Variants in DLG2 observed in about 807,000 individuals in gnomAD.
DLG2 encodes discs large MAGUK scaffold protein 2, also known as disks large homolog 2.
DLG2 carries 45 observed loss-of-function variants against 132.5 expected under a neutral mutation model. The ratio of observed to expected loss-of-function variants is 0.34; its 90% CI spans 0.27 to 0.44. The LOEUF (loss-of-function observed/expected upper bound fraction) is 0.44. DLG2 is among the 20% of genes least tolerant of loss of function. The pLI is 1.00. For missense variants in DLG2, 1,045 were observed against 1,196.9 expected (o/e 0.87, Z 1.87); for synonymous variants, 424 against 419.6 (o/e 1.01, Z -0.13).
chr11:85,572,125 G>T (rs184537093), intron 3 of DLG2, among the ~76,000 whole-genome samples: 116 of 152,234 alleles, frequency 7.6e-4, no homozygotes, highest in African/African-American at 2.7e-3. Flanking sequence ...TGCTGAGAAA[G>T]TTGATTCTGA....
chr11:83,664,614 A>G (rs1012642334), intron 18 of DLG2, among the ~76,000 whole-genome samples: 4 of 152,190 alleles, frequency 2.6e-5, no homozygotes, highest in African/African-American at 7.2e-5. Context: ...GAAAACTCAC[A>G]GTACTAGTCT....
chr11:83,959,284 T>C (rs2154154184), intron 14 of DLG2, among the ~76,000 whole-genome samples: 1 of 152,222 alleles, frequency 6.6e-6, no homozygotes, highest in Admixed American at 6.5e-5. Context: ...ATTCTTACCG[T>C]ACATCCATAA....
chr11:84,925,277 G>A (rs2154086282), intron 6 of DLG2, among the ~76,000 whole-genome samples: 1 of 152,296 alleles, frequency 6.6e-6, no homozygotes, highest in African/African-American at 2.4e-5. Context: ...AGGATTAAAT[G>A]AAACAAGTTA....
chr11:84,216,546 G>A (rs1394448839), intron 8 of DLG2, among the ~76,000 whole-genome samples: 1 of 152,108 alleles, frequency 6.6e-6, no homozygotes, highest in Non-Finnish European at 1.5e-5. Context: ...ATTTGGGTTG[G>A]GATGAGTGAT....
At position 83,980,518 on chromosome 11, in the gene DLG2, A is replaced by G. The variant is rs765550747; in HGVS notation, c.1044T>C (p.Asp348=). The stretch of plus-strand genomic sequence containing the variant: ...GAGTCACACTCACCATTAGTAGTCT[A>G]TCTCCTACTTGCAACCTTCCATCTT... ...AQKDGRLQVG[D]RLLMVNNYSL... Residue 348 remains aspartate (D), a synonymous_variant, in exon 12 of 28, where the codon GAT becomes GAC. Coordinates refer to ENST00000376104, the MANE Select transcript of DLG2 (RefSeq NM_001142699.3). 1.4e-4 allele frequency: 224 copies of G among 1,613,318 alleles called. No homozygotes were observed. Among genetic ancestry groups the G allele is most frequent in the Non-Finnish European group, 1.8e-4 (211 of 1,179,666 alleles).
At chr11:84,453,759 A>G (rs1407522919) in intron 7 of DLG2, among the ~76,000 whole-genome samples, 1 of 151,700 alleles carries the variant, frequency 6.6e-6, no homozygotes, top group Non-Finnish European at 1.5e-5. Context: ...TCAACCAACA[A>G]TGGCACATTC....
chr11:84,375,179 T>C lies in DLG2; in HGVS notation c.520-123888A>G, dbSNP rs181807132. Among the ~76,000 whole-genome samples, 71 of 152,308 alleles carry C rather than the reference T, an allele frequency of 4.7e-4. 1 individual carries two copies. Among genetic ancestry groups the C allele is most frequent in the Admixed American group, 3.9e-3 (60 of 15,292 alleles). On this transcript the variant is annotated intron_variant, in intron 7 of 27. Coordinates refer to ENST00000376104, the MANE Select transcript of DLG2 (RefSeq NM_001142699.3). ...TAACACTTTTCATAGTGGACTGTTA[T>C]TAACTGATTATGTGAATAATTCTCC...
At chr11:85,266,206 C>T (rs1461572793) in intron 4 of DLG2, among the ~76,000 whole-genome samples, 2 of 152,248 alleles carry the variant, frequency 1.3e-5, no homozygotes, top group South Asian at 2.1e-4. Flanking sequence ...ATGGAATTTG[C>T]TCCTGTAAGG....
intron 19 of DLG2, among the ~76,000 whole-genome samples, chr11:83,600,859 T>C (rs1162049029): frequency 3.3e-5 from 5 of 152,230 alleles, no homozygotes; most frequent in Non-Finnish European, 7.3e-5. Context: ...GATGGTGTGA[T>C]AGAGGCTGTT....
chr11:83,589,733 A>T (rs1348983426), intron 19 of DLG2, among the ~76,000 whole-genome samples: 2 of 151,530 alleles, frequency 1.3e-5, no homozygotes, highest in African/African-American at 4.9e-5. Flanking sequence ...AGTGTGCTGT[A>T]TTCAGGAAAC....
chr11:85,085,835 GAA>G (rs2067852595), intron 6 of DLG2, among the ~76,000 whole-genome samples: 1 of 152,074 alleles, frequency 6.6e-6, no homozygotes, highest in South Asian at 2.1e-4. Context: ...TGCCTTCCTA[GAA>G]AAGTGCTTTT....
chr11:84,942,233 C>A (rs2049535163), intron 6 of DLG2, among the ~76,000 whole-genome samples: 1 of 151,930 alleles, frequency 6.6e-6, no homozygotes, highest in African/African-American at 2.4e-5. Context: ...TCAATTTCAT[C>A]TATTTCTGGT....
intron 6 of DLG2, among the ~76,000 whole-genome samples, chr11:84,842,731 C>G (rs1226310746): frequency 6.6e-6 from 1 of 151,648 alleles, no homozygotes; most frequent in African/African-American, 2.4e-5. Flanking sequence ...AGAGAAATAT[C>G]TAGTATACCA....
In DLG2 at chr11:84,313,568, A is replaced by AGGG. The variant is rs1159250778; in HGVS notation, c.520-62278_520-62277insCCC. Reference sequence around the variant, plus strand: ...AGGAAGGGAGGGAGGGAGGGAGGAGAGAGAGAGAGAGAGAAAGGAAGGAAG... The same window carrying AGGG: ...AGGAAGGGAGGGAGGGAGGGAGGAGAGGGGAGAGAGAGAGAGAAAGGAAGGAAG... On this transcript the variant is annotated intron_variant, in intron 7 of 27. Coordinates refer to ENST00000376104, the MANE Select transcript of DLG2 (RefSeq NM_001142699.3). 2.4e-3 allele frequency among the ~76,000 whole-genome samples: 259 copies of AGGG among 106,958 alleles called. 8 individuals carry two copies. Among genetic ancestry groups the AGGG allele is most frequent in the Non-Finnish European group, 3.9e-3 (187 of 48,554 alleles). The allele number at this position is 106,958 out of a possible 152,430, so 70.2% of individuals were successfully genotyped here. A position where few individuals can be genotyped will look rare whatever the true frequency, so the allele number is the denominator to read the frequency against.
chr11:85,195,859 A>T (rs1419353112), intron 4 of DLG2, among the ~76,000 whole-genome samples: 2 of 152,156 alleles, frequency 1.3e-5, no homozygotes, highest in Admixed American at 1.3e-4. Flanking sequence ...ATCACTGGAA[A>T]TAGGGACTTA....
intron 18 of DLG2, among the ~76,000 whole-genome samples, chr11:83,727,824 T>C (rs1333886832): frequency 1.3e-5 from 2 of 152,190 alleles, no homozygotes; most frequent in African/African-American, 4.8e-5. Context: ...TTTTCATCTA[T>C]CAAACTATAA....
chr11:85,616,889 C>G (rs192320012), intron 2 of DLG2, among the ~76,000 whole-genome samples: 4 of 152,108 alleles, frequency 2.6e-5, no homozygotes, highest in African/African-American at 9.7e-5. Flanking sequence ...TCGGACATAT[C>G]AAATATCTGT....
At chr11:85,547,576 TG>T (rs1446461239) in intron 3 of DLG2, among the ~76,000 whole-genome samples, 3 of 152,178 alleles carry the variant, frequency 2.0e-5, no homozygotes, top group Non-Finnish European at 2.9e-5. Context: ...TCCTGAAGAG[TG>T]TTTTCCAACT....
At position 84,504,817 on chromosome 11, in the gene DLG2, C is replaced by A. The variant is rs12418680; in HGVS notation, c.519+29753G>T. The stretch of plus-strand genomic sequence containing the variant: ...TCAATGTGTTGACTCCATGTTTTAG[C>A]AGCAACATCTATAATTGACTCTAAA... On this transcript the variant is annotated intron_variant, in intron 7 of 27. Transcript: ENST00000376104. Among the ~76,000 whole-genome samples, 571 of 72,536 alleles carry A rather than the reference C, an allele frequency of 7.9e-3. 12 individuals are homozygous for A. The highest frequency in any genetic ancestry group is 0.048 in the Admixed American group (498 of 10,388). 47.6% of individuals were successfully genotyped at this position (72,536 alleles called of 152,430 possible).
Sources: allele counts gnomAD v4.1 joint callset (sites outside exome capture counted in the v4.1 genomes callset), GRCh38; gene constraint gnomAD v4.1.1; transcripts MANE v1.5; gene names NCBI Gene and HGNC (gene_info 2026-07-23, HGNC 2026-07-21).